ESRRG: variants seen among roughly 807,000 people sequenced by gnomAD.
The protein encoded by ESRRG is estrogen-related receptor gamma.
Under a neutral mutation model 44.0 loss-of-function variants are expected in ESRRG, and 13 were observed. That is an observed-to-expected ratio of 0.30 (90% CI 0.19 to 0.47). The LOEUF (loss-of-function observed/expected upper bound fraction) is 0.47. Among genes scored for constraint, ESRRG ranks in the 20% least tolerant of loss-of-function variants. ESRRG has a pLI of 1.00. For missense variants in ESRRG, 395 were observed against 580.6 expected (o/e 0.68, Z 3.29); for synonymous variants, 215 against 214.6 (o/e 1.00, Z -0.02).
At chr1:217,009,231 A>C (rs2078190976) in intron 1 of ESRRG, among the ~76,000 whole-genome samples, 1 of 152,084 alleles carries the variant, frequency 6.6e-6, no homozygotes, top group Admixed American at 6.5e-5. Context: ...TGCAGGGCCC[A>C]CAGCGGGATC....
At chr1:216,829,794 T>C (rs573310780) in intron 2 of ESRRG, among the ~76,000 whole-genome samples, 1 of 152,148 alleles carries the variant, frequency 6.6e-6, no homozygotes, top group African/African-American at 2.4e-5. Context: ...CCTCGAATGA[T>C]CCACCCTCCT....
intron 1 of ESRRG, among the ~76,000 whole-genome samples, chr1:217,062,727 A>G (rs2088814283): frequency 6.6e-6 from 1 of 152,210 alleles, no homozygotes; most frequent in African/African-American, 2.4e-5. Context: ...GCCAGTTTAG[A>G]TCAGTGAAAA....
At chr1:216,919,781 T>C (rs993344472) in intron 2 of ESRRG, among the ~76,000 whole-genome samples, 1 of 152,178 alleles carries the variant, frequency 6.6e-6, no homozygotes, top group African/African-American at 2.4e-5. Context: ...ATGCTTTTGC[T>C]TGGGTCCGTC....
chr1:216,958,585 T>G (rs895855779), intron 1 of ESRRG, among the ~76,000 whole-genome samples: 2 of 152,176 alleles, frequency 1.3e-5, no homozygotes, highest in African/African-American at 4.8e-5. Context: ...AGGTGTTTGT[T>G]CAAGTCTTTT....
At chr1:216,626,176 C>T (rs76211720) in intron 3 of ESRRG, among the ~76,000 whole-genome samples, 7,178 of 152,232 alleles carry the variant, frequency 0.047, 522 homozygotes, top group African/African-American at 0.16. Flanking sequence ...TTCTGCAGTG[C>T]TTCACATTTC....
chr1:217,075,899 C>A (rs1424163783), intron 1 of ESRRG, among the ~76,000 whole-genome samples: 3 of 152,080 alleles, frequency 2.0e-5, no homozygotes, highest in Non-Finnish European at 4.4e-5. Flanking sequence ...TAAATTATAA[C>A]CCTCATGCTT....
At chr1:216,704,062 A>G (rs1054386842) in intron 1 of ESRRG, among the ~76,000 whole-genome samples, 2 of 152,224 alleles carry the variant, frequency 1.3e-5, no homozygotes, top group Admixed American at 1.3e-4. Flanking sequence ...CTTTTGAGTT[A>G]GCAATGTGAT....
At chr1:217,080,671 G>GTTTTT (rs34598045) in intron 1 of ESRRG, among the ~76,000 whole-genome samples, 9 of 65,246 alleles carry the variant, frequency 1.4e-4, no homozygotes, top group African/African-American at 3.7e-4. Context: ...TGTTTTTTTG[G>GTTTTT]TTTTTTTTTT....
chr1:216,813,961 A>G (rs2095054733), intron 2 of ESRRG, among the ~76,000 whole-genome samples: 1 of 152,196 alleles, frequency 6.6e-6, no homozygotes, highest in Non-Finnish European at 1.5e-5. Context: ...CAATAAAGAG[A>G]TTAAGCATGC....
intron 1 of ESRRG, among the ~76,000 whole-genome samples, chr1:217,133,353 C>T (rs1225439625): frequency 6.6e-6 from 1 of 152,290 alleles, no homozygotes; most frequent in Non-Finnish European, 1.5e-5. Context: ...GAGCCTGGCG[C>T]CTAGCGCCCC....
intron 1 of ESRRG, among the ~76,000 whole-genome samples, chr1:217,085,258 T>A (rs1580509123): frequency 6.6e-6 from 1 of 152,256 alleles, no homozygotes; most frequent in East Asian, 1.9e-4. Context: ...ATAATTTTTC[T>A]AGTTCTCTGA....
intron 2 of ESRRG, among the ~76,000 whole-genome samples, chr1:216,854,094 C>T (rs1395966734): frequency 6.6e-6 from 1 of 152,004 alleles, no homozygotes; most frequent in African/African-American, 2.4e-5. Context: ...TGCGGTGGCT[C>T]ATGCCTGTAA....
chr1:217,094,359 G>T (rs191181750), upstream of ESRRG, among the ~76,000 whole-genome samples: 1 of 152,182 alleles, frequency 6.6e-6, no homozygotes, highest in Non-Finnish European at 1.5e-5. Flanking sequence ...TTCAACTCAC[G>T]TGTAGCTTGA....
chr1:216,629,104 A>G (rs1374236048), intron 3 of ESRRG, among the ~76,000 whole-genome samples: 3 of 152,204 alleles, frequency 2.0e-5, no homozygotes, highest in Non-Finnish European at 4.4e-5. Context: ...ACTTTGTCCT[A>G]TACCCCACAG....
rs553728731 is a variant in ESRRG at position 216,962,074 on chromosome 1, C to T, written c.-105-22401G>A. On this transcript the variant is annotated intron_variant, in intron 1 of 7. Transcript: ENST00000359162. ...CATAAAGAAAGAAAAATTGTCAGTG[C>T]TTTCTGCTATTTTTTTAACTGCAAA... Among the ~76,000 whole-genome samples, 682 of 118,428 alleles carry T rather than the reference C, an allele frequency of 5.8e-3. 4 individuals are homozygous for T. The highest frequency in any genetic ancestry group is 0.022 in the Middle Eastern group (4 of 180). 77.7% of individuals were successfully genotyped at this position (118,428 alleles called of 152,430 possible). A position where few individuals can be genotyped will look rare whatever the true frequency, so the allele number is the denominator to read the frequency against.
Position 216,879,484 on chromosome 1 carries a change from CAAAAA to C in ESRRG, c.-14+60093_-14+60097del, listed in dbSNP as rs755104959. The stretch of plus-strand genomic sequence containing the variant: ...ACTCTTGAGGGGAAAAAAAGGCCAC[CAAAAA>C]AAAAAAAAAAAAAAAAGAAGAAGAA... On this transcript the variant is annotated intron_variant, in intron 2 of 7. Transcript: ENST00000359162. 1.2e-3 allele frequency among the ~76,000 whole-genome samples: 109 copies of C among 89,424 alleles called. 1 individual carries two copies. The highest frequency in any genetic ancestry group is 6.9e-3 in the Middle Eastern group (1 of 144). 58.7% of individuals were successfully genotyped at this position (89,424 alleles called of 152,430 possible).
At chr1:216,715,202 T>C (rs1244226610) in intron 1 of ESRRG, 1 of 985,262 alleles carries the variant, frequency 1.0e-6, no homozygotes, top group Non-Finnish European at 1.2e-6. Flanking sequence ...TGCTTTTCCA[T>C]CTGTGACACT....
intron 6 of ESRRG, among the ~76,000 whole-genome samples, chr1:216,507,762 G>A (rs577942575): frequency 1.3e-5 from 2 of 152,278 alleles, no homozygotes; most frequent in Non-Finnish European, 2.9e-5. Flanking sequence ...GTTGATTAAA[G>A]CATCCTTACA....
intron 5 of ESRRG, among the ~76,000 whole-genome samples, chr1:216,559,488 C>T (rs940129285): frequency 5.9e-5 from 9 of 152,136 alleles, no homozygotes; most frequent in African/African-American, 1.4e-4. Context: ...TTTTCAAGTG[C>T]CAATGATACA....
Sources: allele counts gnomAD v4.1 joint callset (sites outside exome capture counted in the v4.1 genomes callset), GRCh38; gene constraint gnomAD v4.1.1; transcripts MANE v1.5; gene names NCBI Gene and HGNC (gene_info 2026-07-23, HGNC 2026-07-21).